PSG5: variants seen among roughly 807,000 people sequenced by gnomAD.
PSG5 encodes the protein pregnancy specific beta-1-glycoprotein 5.
A neutral mutation model predicts 37.7 loss-of-function variants in PSG5; 53 were observed. That is an observed-to-expected ratio of 1.41 (90% CI 1.13 to 1.77). PSG5 has a LOEUF of 1.77. Ranked by LOEUF, PSG5 falls within the 40% of genes most tolerant of loss-of-function variation. The pLI, the probability that PSG5 is intolerant of heterozygous loss-of-function variation, is 0.00. For synonymous variants in PSG5, 221 were observed against 155.4 expected (o/e 1.42, Z -3.14); for missense variants, 547 against 405.2 (o/e 1.35, Z -3.00).
At chr19:43,174,879 G>C (rs911365073) in intron 4 of PSG5, 52 of 1,185,852 alleles carry the variant, frequency 4.4e-5, no homozygotes, top group Non-Finnish European at 5.9e-5. Context: ...AGACATGGCA[G>C]AAGGGGATGT....
intron 4 of PSG5, chr19:43,170,417 A>G (rs763164051): frequency 3.3e-5 from 15 of 458,350 alleles, no homozygotes; most frequent in African/African-American, 6.2e-5. Flanking sequence ...GCTATTTTCT[A>G]TGTCATTAGA....
chr19:43,186,276 C>T, intron 1 of PSG5, 66 bp downstream of exon 1: 10 of 1,607,696 alleles, frequency 6.2e-6, no homozygotes, highest in Non-Finnish European at 8.5e-6. Context: ...CCCATCCTCT[C>T]CAGGAGACCC....
intron 4 of PSG5, among the ~76,000 whole-genome samples, chr19:43,172,465 A>G (rs1371374350): frequency 1.3e-5 from 2 of 151,696 alleles, no homozygotes; most frequent in African/African-American, 4.9e-5. Flanking sequence ...TTTACAGATA[A>G]CTTGAACTTA....
Position 43,184,928 on chromosome 19 carries a change from T to C in PSG5, c.284A>G (p.Tyr95Cys), listed in dbSNP as rs765699281. The C allele has an allele frequency of 2.5e-6, 4 of 1,612,636 alleles. No individual in the cohort carries two copies. The South Asian group carries it at 4.4e-5, about 18-fold the overall frequency. The change falls in exon 2 of 6, where the codon TAC becomes TGC. Residue 95 changes from tyrosine (Y) to cysteine (C), a missense_variant. Coordinates refer to ENST00000342951, the MANE Select transcript of PSG5 (RefSeq NM_002781.4). ...DGQINIYGPA[Y>C]TGRETVYSNA... Reference sequence around the variant, plus strand: ...GGAATATACTGTTTCTCGTCCAGTGTATGCAGGCCCATATATATTTATTTG... The same window carrying C: ...GGAATATACTGTTTCTCGTCCAGTGCATGCAGGCCCATATATATTTATTTG...
rs915975333 is a variant in PSG5 at position 43,181,484 on chromosome 19, A to C, written c.430+3298T>G. Among the ~76,000 whole-genome samples the C allele has an allele frequency of 4.0e-5, 6 of 151,590 alleles. No individual in the cohort carries two copies. The East Asian group carries it at 5.8e-4, about 15-fold the overall frequency. On this transcript the variant is annotated intron_variant, in intron 2 of 5. Coordinates refer to ENST00000342951, the MANE Select transcript of PSG5 (RefSeq NM_002781.4). ...AACAGCATTTTTTTTTCTGAGACAG[A>C]GTCTCTCTCTTTCACCCAGGCTGGA...
rs1476317517 is a variant in PSG5 at position 43,175,835 on chromosome 19, G to T, written c.709+35C>A. 3.1e-6 allele frequency: 5 copies of T among 1,608,928 alleles called. 1 individual carries two copies. The highest frequency in any genetic ancestry group is 4.2e-6 in the Non-Finnish European group (5 of 1,176,882). ...CTTGTGGTCATTTAGATTTAAGCTGGTGTCCTGGCCCACAGAGGAACAAAA... is the reference window on the plus strand; with the variant it reads ...CTTGTGGTCATTTAGATTTAAGCTGTTGTCCTGGCCCACAGAGGAACAAAA... On this transcript the variant is annotated intron_variant, in intron 3 of 5. Transcript: ENST00000342951.
intron 2 of PSG5, among the ~76,000 whole-genome samples, chr19:43,182,399 C>A (rs1433344918): frequency 9.1e-6 from 1 of 110,072 alleles, no homozygotes; most frequent in African/African-American, 3.9e-5. Context: ...GTTTCTCATT[C>A]TTTTGCATTC....
At chr19:43,173,233 G>C (rs1359082374) in intron 4 of PSG5, among the ~76,000 whole-genome samples, 1 of 151,508 alleles carries the variant, frequency 6.6e-6, no homozygotes, top group African/African-American at 2.4e-5. Context: ...ATAGATCAAA[G>C]ATCTAAATGT....
In PSG5 at chr19:43,172,388, C is replaced by T. The variant is rs576016590; in HGVS notation, c.965-2250G>A. 7.3e-5 allele frequency among the ~76,000 whole-genome samples: 11 copies of T among 151,326 alleles called. No homozygotes were observed. The South Asian group carries it at 1.2e-3, about 17-fold the overall frequency. The stretch of plus-strand genomic sequence containing the variant: ...TCAACATAGTATTGAAAGGTCTAGT[C>T]AGAAAAATTAGGCAAGAATTGAAAA... On this transcript the variant is annotated intron_variant, in intron 4 of 5. Coordinates refer to ENST00000342951, the MANE Select transcript of PSG5 (RefSeq NM_002781.4).
intron 2 of PSG5, among the ~76,000 whole-genome samples, chr19:43,183,915 A>G (rs8113065): frequency 1.3e-5 from 2 of 151,334 alleles, no homozygotes; most frequent in Non-Finnish European, 2.9e-5. Flanking sequence ...TGGACTGTGG[A>G]TTTTCATGCT....
At chr19:43,185,361 CT>C (rs1237476201) in intron 1 of PSG5, among the ~76,000 whole-genome samples, 4 of 151,152 alleles carry the variant, frequency 2.6e-5, no homozygotes, top group African/African-American at 2.4e-5. Context: ...AGCGTGACCC[CT>C]ATTCCTTCAA....
chr19:43,186,293 G>A, intron 1 of PSG5, 49 bp downstream of exon 1: 2 of 1,609,938 alleles, frequency 1.2e-6, no homozygotes, highest in Non-Finnish European at 1.7e-6. Context: ...ACCCAATCCA[G>A]TCACTCTTCT....
rs1160947852 is a variant in PSG5 at position 43,185,005 on chromosome 19, T to C, written c.207A>G (p.Lys69=). The stretch of plus-strand genomic sequence containing the variant: ...AATGGTAGAGGTCCATCAGTTGTCC[T>C]TTGTACCAGATGTAGCCAGCAAGAT... ...PQNLAGYIWY[K]GQLMDLYHYI... Residue 69 remains lysine (K), a synonymous_variant, in exon 2 of 6, where the codon AAA becomes AAG. Coordinates refer to ENST00000342951, the MANE Select transcript of PSG5 (RefSeq NM_002781.4). 6.8e-6 allele frequency: 11 copies of C among 1,612,554 alleles called. 2 individuals carry two copies. The highest frequency in any genetic ancestry group is 1.7e-5 in the Admixed American group (1 of 59,884).
intron 2 of PSG5, among the ~76,000 whole-genome samples, chr19:43,181,630 T>G (rs1969130508): frequency 6.6e-6 from 1 of 151,710 alleles, no homozygotes. Flanking sequence ...AGCTAATTTT[T>G]TGTATTTTTA....
At chr19:43,185,661 G>A (rs1038477297) in intron 1 of PSG5, among the ~76,000 whole-genome samples, 7 of 151,500 alleles carry the variant, frequency 4.6e-5, no homozygotes, top group Admixed American at 4.0e-4. Context: ...TGTGATCTTG[G>A]TTGCACCCCA....
At chr19:43,181,269 A>T (rs1057199831) in intron 2 of PSG5, among the ~76,000 whole-genome samples, 1 of 151,608 alleles carries the variant, frequency 6.6e-6, no homozygotes, top group Admixed American at 6.6e-5. Flanking sequence ...CAAAATTTAA[A>T]AATTGCTATT....
At chr19:43,181,087 C>T (rs1969118082) in intron 2 of PSG5, among the ~76,000 whole-genome samples, 2 of 151,508 alleles carry the variant, frequency 1.3e-5, no homozygotes, top group South Asian at 4.2e-4. Context: ...TGTGTCTCCC[C>T]ACACGTAGAA....
At chr19:43,170,203 G>C in intron 4 of PSG5, 65 bp from the exon 5 acceptor site, 1 of 1,346,050 alleles carries the variant, frequency 7.4e-7, no homozygotes, top group South Asian at 1.2e-5. Context: ...GGAGCCTCAG[G>C]AAGAGGCATG....
chr19:43,168,148 G>C lies in PSG5; in HGVS notation c.*96C>G, dbSNP rs1328424361. The C allele has an allele frequency of 2.3e-6, 1 of 441,558 alleles. No homozygotes were observed. 27.4% of individuals were successfully genotyped at this position (441,558 alleles called of 1,614,324 possible). On this transcript the variant is annotated 3_prime_UTR_variant, in exon 6 of 6. Coordinates refer to ENST00000342951, the MANE Select transcript of PSG5 (RefSeq NM_002781.4). ...TTCCATAAATCTCCTTGAAGAAAAA[G>C]CAATTTTGGACTGTAGGTGATTGTA...
Sources: gnomAD v4.1 joint callset for allele counts (sites outside exome capture counted in the v4.1 genomes callset) on GRCh38, gnomAD v4.1.1 for gene constraint, MANE v1.5 for transcripts, NCBI Gene and HGNC (gene_info 2026-07-23, HGNC 2026-07-21) for gene names.